GATA4: variants seen among roughly 807,000 people sequenced by gnomAD.
GATA4 encodes transcription factor GATA-4.
Under a neutral mutation model 37.9 loss-of-function variants are expected in GATA4, and 7 were observed. That is an observed-to-expected ratio of 0.18 (90% confidence interval 0.11 to 0.35). The LOEUF (loss-of-function observed/expected upper bound fraction) is 0.35. Among genes scored for constraint, GATA4 ranks in the 10% least tolerant of loss-of-function variants. The pLI is 1.00. For missense variants in GATA4, 647 were observed against 653.0 expected (o/e 0.99, Z 0.10); for synonymous variants, 372 against 292.6 (o/e 1.27, Z -2.77).
At chr8:11,739,165 A>C (rs1036589976) in intron 2 of GATA4, among the ~76,000 whole-genome samples, 1 of 152,244 alleles carries the variant, frequency 6.6e-6, no homozygotes, top group African/African-American at 2.4e-5. Context: ...GTGCCTAGGC[A>C]GAGATGCTTG....
At chr8:11,687,740 A>G (rs1368363557), upstream of GATA4, among the ~76,000 whole-genome samples, 1 of 152,194 alleles carries the variant, frequency 6.6e-6, no homozygotes, top group African/African-American at 2.4e-5. Flanking sequence ...AGCCAAGAAT[A>G]CAGGAGATTG....
chr8:11,751,883 T>C (rs896761328), intron 4 of GATA4, among the ~76,000 whole-genome samples: 4 of 152,232 alleles, frequency 2.6e-5, no homozygotes, highest in Admixed American at 2.6e-4. Flanking sequence ...ATTAACTTAG[T>C]GGTATTTTTT....
chr8:11,697,232 C>G (rs958684927), intron 1 of GATA4, among the ~76,000 whole-genome samples: 1 of 152,212 alleles, frequency 6.6e-6, no homozygotes, highest in Non-Finnish European at 1.5e-5. Context: ...CCGGAGAGCC[C>G]CTGTCCTTCT....
At chr8:11,745,929 T>G (rs1802008317) in intron 2 of GATA4, among the ~76,000 whole-genome samples, 2 of 152,180 alleles carry the variant, frequency 1.3e-5, no homozygotes, top group African/African-American at 4.8e-5. Context: ...GGATGATAGT[T>G]AAGAGTTCGT....
At chr8:11,738,131 A>G (rs929087646) in intron 2 of GATA4, among the ~76,000 whole-genome samples, 2 of 151,452 alleles carry the variant, frequency 1.3e-5, no homozygotes, top group East Asian at 3.9e-4. Flanking sequence ...CAGTGAGCCA[A>G]GATCATGCCA....
Position 11,758,590 on chromosome 8 carries a change from C to A in GATA4, c.*115C>A. 1 of 1,005,272 alleles carries A rather than the reference C, an allele frequency of 9.9e-7. No individual in the cohort carries two copies. Among genetic ancestry groups the A allele is most frequent in the Admixed American group, 1.8e-5 (1 of 54,550 alleles). The allele number at this position is 1,005,272 out of a possible 1,614,324, so 62.3% of individuals were successfully genotyped here. On this transcript the variant is annotated 3_prime_UTR_variant, in exon 7 of 7. Coordinates refer to ENST00000532059, the MANE Select transcript of GATA4 (RefSeq NM_001308093.3). The stretch of plus-strand genomic sequence containing the variant: ...CCTCTGCCTGGTAATGACTCCAGAA[C>A]AACAACTGGGAAGAAACTTGAAGTC...
intron 2 of GATA4, among the ~76,000 whole-genome samples, chr8:11,729,359 G>C (rs1563213856): frequency 6.6e-6 from 1 of 152,146 alleles, no homozygotes; most frequent in Non-Finnish European, 1.5e-5. Context: ...CACGAGGTCA[G>C]GAGTTCAAGA....
At chr8:11,734,483 GTCT>G (rs1377671246) in intron 2 of GATA4, among the ~76,000 whole-genome samples, 1 of 152,086 alleles carries the variant, frequency 6.6e-6, no homozygotes, top group Non-Finnish European at 1.5e-5. Context: ...TATCTATTCT[GTCT>G]TTTCTTTTCT....
At chr8:11,706,374 A>G (rs1235438479) in intron 1 of GATA4, among the ~76,000 whole-genome samples, 1 of 152,226 alleles carries the variant, frequency 6.6e-6, no homozygotes, top group Non-Finnish European at 1.5e-5. Flanking sequence ...GTATTATACT[A>G]GAAATCTGTA....
chr8:11,744,113 T>G (rs1801908731), intron 2 of GATA4, among the ~76,000 whole-genome samples: 1 of 152,160 alleles, frequency 6.6e-6, no homozygotes, highest in Admixed American at 6.5e-5. Context: ...CACAGACAAT[T>G]CTGAGTATAG....
At position 11,736,461 on chromosome 8, in the gene GATA4, G is replaced by C. The variant is rs138747432; in HGVS notation, c.617-12455G>C. On this transcript the variant is annotated intron_variant, in intron 2 of 6. Coordinates refer to ENST00000532059, the MANE Select transcript of GATA4 (RefSeq NM_001308093.3). ...TGCCCCTGCCTCTGCCTTTAAGTCT[G>C]GTCTGCGTGGCTTCTGATAGCGAAG... Among the ~76,000 whole-genome samples, 900 of 152,340 alleles carry C rather than the reference G, an allele frequency of 5.9e-3. 2 individuals carry two copies. The highest frequency in any genetic ancestry group is 9.1e-3 in the Non-Finnish European group (621 of 68,026).
intron 2 of GATA4, among the ~76,000 whole-genome samples, chr8:11,720,027 G>C (rs1800597944): frequency 6.6e-6 from 1 of 151,964 alleles, no homozygotes; most frequent in Non-Finnish European, 1.5e-5. Context: ...TTTGAAAAGG[G>C]GTGACCCAAG....
At chr8:11,684,004 C>T (rs979506133) in intron 1 of GATA4, among the ~76,000 whole-genome samples, 1 of 152,248 alleles carries the variant, frequency 6.6e-6, no homozygotes, top group South Asian at 2.1e-4. Context: ...ACTCCCAAGT[C>T]TCCGGGTTTA....
intron 1 of GATA4, chr8:11,680,735 G>T: frequency 1.0e-6 from 1 of 985,348 alleles, no homozygotes. Flanking sequence ...ACCCTGGGCG[G>T]CGAGGAGAGC....
At chr8:11,710,523 A>T (rs1800130530) in intron 2 of GATA4, among the ~76,000 whole-genome samples, 1 of 137,780 alleles carries the variant, frequency 7.3e-6, no homozygotes, top group Non-Finnish European at 1.6e-5. Flanking sequence ...CTACTAAAAT[A>T]CAAAAAAAAA....
chr8:11,742,298 A>G (rs1435040180), intron 2 of GATA4, among the ~76,000 whole-genome samples: 7 of 149,564 alleles, frequency 4.7e-5, no homozygotes, highest in African/African-American at 1.7e-4. Context: ...GAGCGGGTGT[A>G]TTTTCCCCTA....
chr8:11,692,515 G>C (rs769592503), upstream of GATA4: 39 of 985,348 alleles, frequency 4.0e-5, no homozygotes, highest in Admixed American at 6.1e-5. Context: ...AGTAATTCCC[G>C]TGAAACTATG....
intron 2 of GATA4, among the ~76,000 whole-genome samples, chr8:11,741,485 C>A (rs11989007): frequency 0.77 from 116,969 of 151,222 alleles, 47,571 homozygotes; most frequent in Non-Finnish European, 0.92. Flanking sequence ...TTGAAAAAAA[C>A]AAACAAACAA....
intron 2 of GATA4, among the ~76,000 whole-genome samples, chr8:11,722,071 C>T (rs1339439329): frequency 6.6e-6 from 1 of 152,196 alleles, no homozygotes; most frequent in African/African-American, 2.4e-5. Context: ...TGGTCTCTAA[C>T]TCCTGGGCTT....
Sources: gnomAD v4.1 joint callset for allele counts (sites outside exome capture counted in the v4.1 genomes callset) on GRCh38, gnomAD v4.1.1 for gene constraint, MANE v1.5 for transcripts, NCBI Gene and HGNC (gene_info 2026-07-23, HGNC 2026-07-21) for gene names.